The following CALM2 variants were observed in gnomAD, a reference collection of about 807,000 sequenced individuals.
CALM2 encodes calmodulin-2.
Under a neutral mutation model 19.8 loss-of-function variants are expected in CALM2, and 2 were observed. That is an observed-to-expected ratio of 0.10 (90% CI 0.04 to 0.32). The LOEUF (loss-of-function observed/expected upper bound fraction) is 0.32. CALM2 is among the 10% of genes least tolerant of loss of function. The pLI, the probability that CALM2 is intolerant of heterozygous loss-of-function variation, is 1.00. For missense variants in CALM2, 38 were observed against 178.7 expected, an observed-to-expected ratio of 0.21 and a Z score of 4.49; for synonymous variants, 51 against 52.1, an observed-to-expected ratio of 0.98 and a Z score of 0.09.
At position 47,160,806 on chromosome 2, in the gene CALM2, T is replaced by C; in HGVS notation, c.422-2A>G. The C allele has an allele frequency of 7.5e-7, 1 of 1,337,016 alleles. No homozygotes were observed. The highest frequency in any genetic ancestry group is 9.8e-7 in the Non-Finnish European group (1 of 1,021,782). The allele number at this position is 1,337,016 out of a possible 1,614,324, so 82.8% of individuals were successfully genotyped here. On this transcript the variant is annotated splice_acceptor_variant, in intron 5 of 5. Coordinates refer to ENST00000272298, the MANE Select transcript of CALM2 (RefSeq NM_001743.6). LOFTEE classifies it high-confidence loss of function. Reference sequence around the variant, plus strand: ...TTGCTGTCATCATTTGTACAAACTCTGAAAAAGAAGAAGTACACAAAAAAT... The same window carrying C: ...TTGCTGTCATCATTTGTACAAACTCCGAAAAAGAAGAAGTACACAAAAAAT...
intron 1 of CALM2, among the ~76,000 whole-genome samples, chr2:47,175,902 T>C (rs1281657172): frequency 1.3e-5 from 2 of 149,200 alleles, no homozygotes; most frequent in Non-Finnish European, 3.0e-5. Context: ...GCCCCCTGGA[T>C]CCCGGCACGC....
upstream of CALM2, chr2:47,176,840 G>C (rs539510153): frequency 9.1e-6 from 9 of 985,458 alleles, no homozygotes; most frequent in South Asian, 3.8e-4. Flanking sequence ...CTGATTGGCT[G>C]GTTTGTACCT....
intron 1 of CALM2, chr2:47,172,016 A>G (rs957540409): frequency 1.3e-5 from 2 of 149,972 alleles, no homozygotes; most frequent in African/African-American, 4.9e-5. Flanking sequence ...CTGGTAACGT[A>G]AAATTGAAGA....
chr2:47,166,200 T>C (rs186108352), intron 2 of CALM2, among the ~76,000 whole-genome samples: 6 of 152,328 alleles, frequency 3.9e-5, no homozygotes, highest in East Asian at 1.9e-4. Context: ...TTAAACAGAA[T>C]GTAGAAATAT....
chr2:47,171,598 G>A (rs1040041811), intron 1 of CALM2: 1 of 152,140 alleles, frequency 6.6e-6, no homozygotes, highest in Admixed American at 6.5e-5. Context: ...AATATATAAA[G>A]ATGATTGCAA....
At chr2:47,176,003 C>T (rs932765446) in intron 1 of CALM2, among the ~76,000 whole-genome samples, 9 of 152,136 alleles carry the variant, frequency 5.9e-5, no homozygotes, top group Admixed American at 3.3e-4. Flanking sequence ...CGCAAGCGGA[C>T]AAAGGCGCTT....
intron 2 of CALM2, chr2:47,163,553 C>T (rs1203662672): frequency 1.3e-5 from 2 of 152,124 alleles, no homozygotes; most frequent in African/African-American, 2.4e-5. Flanking sequence ...CTGCCTCAGC[C>T]TCCCGAGTAG....
upstream of CALM2, chr2:47,176,752 C>T: frequency 1.0e-6 from 1 of 985,396 alleles, no homozygotes. Context: ...GGTGGAGCGG[C>T]CCCTGAGGGG....
intron 1 of CALM2, chr2:47,176,192 G>A (rs1012823515): frequency 5.4e-5 from 28 of 516,238 alleles, no homozygotes; most frequent in East Asian, 5.3e-4. Flanking sequence ...AGCCCCCGAG[G>A]AGCTTCACCA....
rs193105754 is a variant in CALM2 at position 47,176,207 on chromosome 2, G to A, written c.3+234C>T. ...AGCCCCCGAGGAGCTTCACCACCTC[G>A]GGAACTGTGCGTCCGGCCCTCAACT... On this transcript the variant is annotated intron_variant, in intron 1 of 5. Transcript: ENST00000272298. 2.7e-3 allele frequency: 1,442 copies of A among 532,996 alleles called. 5 individuals are homozygous for A. Among genetic ancestry groups the A allele is most frequent in the Non-Finnish European group, 3.6e-3 (1,089 of 299,124 alleles). The allele number at this position is 532,996 out of a possible 1,614,324, so 33.0% of individuals were successfully genotyped here.
rs185411626 is a variant in CALM2 at position 47,160,522 on chromosome 2, T to G, written c.*254A>C. 8.6e-6 allele frequency: 3 copies of G among 348,778 alleles called. No individual in the cohort carries two copies. The highest frequency in any genetic ancestry group is 4.2e-5 in the African/African-American group (2 of 47,226). 21.6% of individuals were successfully genotyped at this position (348,778 alleles called of 1,614,324 possible). A position where few individuals can be genotyped will look rare whatever the true frequency, so the allele number is the denominator to read the frequency against. On this transcript the variant is annotated 3_prime_UTR_variant, in exon 6 of 6. Transcript: ENST00000272298. ...TCATTTGACCAACTCCATCTAAGTT[T>G]AGATGTGCAGAAGGGCTTAGATATA...
intron 1 of CALM2, among the ~76,000 whole-genome samples, chr2:47,174,882 C>G (rs1169794425): frequency 6.6e-6 from 1 of 152,104 alleles, no homozygotes; most frequent in African/African-American, 2.4e-5. Flanking sequence ...TGAAGCAAAT[C>G]CATCAAACGT....
chr2:47,164,722 T>C (rs1325141284), intron 2 of CALM2, among the ~76,000 whole-genome samples: 6 of 152,190 alleles, frequency 3.9e-5, no homozygotes, highest in Non-Finnish European at 8.8e-5. Flanking sequence ...TTAGACCCTA[T>C]CAGCAAATGA....
At chr2:47,166,700 T>G (rs971071101) in intron 2 of CALM2, among the ~76,000 whole-genome samples, 1 of 152,206 alleles carries the variant, frequency 6.6e-6, no homozygotes, top group Non-Finnish European at 1.5e-5. Flanking sequence ...CCTTTACAGT[T>G]TTCCTGTACT....
chr2:47,161,140 T>G (rs1687141028), intron 5 of CALM2, among the ~76,000 whole-genome samples: 2 of 152,190 alleles, frequency 1.3e-5, no homozygotes, highest in South Asian at 4.1e-4. Context: ...GGTTTAATTT[T>G]TATAACATTA....
chr2:47,168,134 C>T (rs1221490289), intron 2 of CALM2, among the ~76,000 whole-genome samples: 8 of 151,880 alleles, frequency 5.3e-5, no homozygotes, highest in South Asian at 4.2e-4. Context: ...TGGCAGGTAC[C>T]GGGCCTACAA....
intron 1 of CALM2, among the ~76,000 whole-genome samples, chr2:47,175,845 C>T (rs1418350957): frequency 1.4e-5 from 2 of 147,788 alleles, no homozygotes; most frequent in Non-Finnish European, 3.0e-5. Context: ...CCGCTCCCTG[C>T]GCCGCGCGGG....
At chr2:47,175,987 G>A (rs1379051450) in intron 1 of CALM2, among the ~76,000 whole-genome samples, 3 of 151,892 alleles carry the variant, frequency 2.0e-5, no homozygotes, top group Non-Finnish European at 4.4e-5. Context: ...CTGGGCGCAT[G>A]GCGGCCGCAA....
intron 1 of CALM2, 108 bp from the exon 2 acceptor site, chr2:47,170,872 G>GCACATTCAAATTCAGAA: frequency 1.2e-6 from 1 of 861,326 alleles, no homozygotes; most frequent in Non-Finnish European, 2.0e-6. Context: ...GTTTCATTTA[G>GCACATTCAAATTCAGAA]TTCCAGCAAC....
Sources: gnomAD v4.1 joint callset for allele counts (sites outside exome capture counted in the v4.1 genomes callset) on GRCh38, gnomAD v4.1.1 for gene constraint, MANE v1.5 for transcripts, NCBI Gene and HGNC (gene_info 2026-07-23, HGNC 2026-07-21) for gene names.